Variants in PTPRD observed in about 807,000 individuals in gnomAD.
PTPRD encodes the protein protein tyrosine phosphatase receptor type D, also known as receptor-type tyrosine-protein phosphatase delta.
In PTPRD, 34 loss-of-function variants were observed where a neutral mutation model predicts 214.5. That is an observed-to-expected ratio of 0.16 (90% CI 0.12 to 0.21). The LOEUF is 0.21. Among genes scored for constraint, PTPRD ranks in the 10% least tolerant of loss-of-function variants. The pLI is 1.00. For missense variants in PTPRD, 2,545 were observed against 2,398.7 expected (o/e 1.06, Z -1.27); for synonymous variants, 1,128 against 845.7 (o/e 1.33, Z -5.79).
intron 36 of PTPRD, among the ~76,000 whole-genome samples, chr9:8,402,915 G>A (rs2130410704): frequency 6.6e-6 from 1 of 152,072 alleles, no homozygotes; most frequent in East Asian, 1.9e-4. Flanking sequence ...GTATCTGTGG[G>A]TGCCTAGAAA....
intron 12 of PTPRD, among the ~76,000 whole-genome samples, chr9:8,728,060 C>A (rs959660897): frequency 6.6e-5 from 10 of 151,676 alleles, no homozygotes; most frequent in Non-Finnish European, 1.2e-4. Context: ...CCAGCCTGAC[C>A]AATATGGAGA....
At chr9:9,499,289 CT>C (rs1371840220) in intron 8 of PTPRD, among the ~76,000 whole-genome samples, 1 of 152,028 alleles carries the variant, frequency 6.6e-6, no homozygotes, top group Non-Finnish European at 1.5e-5. Flanking sequence ...ATTGAAAAGA[CT>C]GCTAAAATAT....
At chr9:8,742,553 G>C (rs554811632) in intron 11 of PTPRD, among the ~76,000 whole-genome samples, 2 of 150,368 alleles carry the variant, frequency 1.3e-5, no homozygotes, top group African/African-American at 5.0e-5. Context: ...ATTTATTATT[G>C]TATCTATTTT....
At chr9:8,820,190 T>C (rs1250827859) in intron 11 of PTPRD, among the ~76,000 whole-genome samples, 2 of 152,156 alleles carry the variant, frequency 1.3e-5, no homozygotes, top group Non-Finnish European at 2.9e-5. Context: ...AGCTTTAATA[T>C]AACCACAAAT....
At chr9:10,361,993 T>G (rs1483241242) in intron 2 of PTPRD, among the ~76,000 whole-genome samples, 1 of 152,178 alleles carries the variant, frequency 6.6e-6, no homozygotes, top group Non-Finnish European at 1.5e-5. Flanking sequence ...GGTTAAGATG[T>G]CAGCATTTTC....
chr9:9,019,643 T>C (rs1420308523), intron 10 of PTPRD, among the ~76,000 whole-genome samples: 2 of 152,036 alleles, frequency 1.3e-5, no homozygotes, highest in Non-Finnish European at 2.9e-5. Flanking sequence ...GAGGCGGAGG[T>C]TGCGGTGAGC....
At chr9:9,754,081 T>A (rs2098546619) in intron 6 of PTPRD, among the ~76,000 whole-genome samples, 1 of 152,118 alleles carries the variant, frequency 6.6e-6, no homozygotes, top group Admixed American at 6.6e-5. Flanking sequence ...AGCAGAATGC[T>A]AGACATATTA....
At chr9:10,505,418 C>G (rs908896471) in intron 2 of PTPRD, among the ~76,000 whole-genome samples, 1 of 152,148 alleles carries the variant, frequency 6.6e-6, no homozygotes. Context: ...TTTAAGAATG[C>G]TGACTGCCAA....
At chr9:10,436,063 A>G (rs1374587525) in intron 2 of PTPRD, among the ~76,000 whole-genome samples, 2 of 151,854 alleles carry the variant, frequency 1.3e-5, no homozygotes, top group Non-Finnish European at 2.9e-5. Flanking sequence ...GAAGTTTGAA[A>G]AGTCATTTAG....
chr9:9,808,834 C>G (rs2046253120), intron 5 of PTPRD, among the ~76,000 whole-genome samples: 1 of 152,130 alleles, frequency 6.6e-6, no homozygotes, highest in South Asian at 2.1e-4. Context: ...CGCAGTGGCT[C>G]AATCATAGCT....
chr9:10,400,952 A>T (rs2098259649), intron 2 of PTPRD, among the ~76,000 whole-genome samples: 1 of 151,560 alleles, frequency 6.6e-6, no homozygotes, highest in South Asian at 2.1e-4. Flanking sequence ...ATATTCAAAG[A>T]CTATTCATTA....
intron 43 of PTPRD, among the ~76,000 whole-genome samples, chr9:8,332,901 A>ATTAT (rs1264783640): frequency 6.6e-6 from 1 of 152,154 alleles, no homozygotes; most frequent in Non-Finnish European, 1.5e-5. Context: ...CTGTTAACAC[A>ATTAT]TTATTTCCTC....
intron 4 of PTPRD, among the ~76,000 whole-genome samples, chr9:9,945,556 G>T (rs983779277): frequency 6.6e-6 from 1 of 152,132 alleles, no homozygotes; most frequent in African/African-American, 2.4e-5. Context: ...TGTGTCCAAG[G>T]TGGCAGTTAA....
At chr9:10,176,934 C>T (rs1435019587) in intron 3 of PTPRD, among the ~76,000 whole-genome samples, 1 of 151,962 alleles carries the variant, frequency 6.6e-6, no homozygotes, top group Non-Finnish European at 1.5e-5. Flanking sequence ...ACAGCAAGCA[C>T]AGCATATTTA....
chr9:10,007,205 C>G (rs900527820), intron 4 of PTPRD, among the ~76,000 whole-genome samples: 2 of 151,916 alleles, frequency 1.3e-5, no homozygotes, highest in African/African-American at 4.8e-5. Flanking sequence ...ACTATATAAA[C>G]CTTTAGTGCA....
At chr9:10,225,892 CAAGTA>C (rs2099587269) in intron 3 of PTPRD, among the ~76,000 whole-genome samples, 1 of 151,972 alleles carries the variant, frequency 6.6e-6, no homozygotes, top group Admixed American at 6.6e-5. Context: ...TGAGAGCAAA[CAAGTA>C]AAGAAATGGG....
At chr9:9,459,432 A>T (rs990386862) in intron 8 of PTPRD, among the ~76,000 whole-genome samples, 3 of 152,108 alleles carry the variant, frequency 2.0e-5, no homozygotes, top group African/African-American at 7.2e-5. Context: ...TTCTGACAAA[A>T]TGATCTTATA....
intron 12 of PTPRD, among the ~76,000 whole-genome samples, chr9:8,672,921 C>T (rs1017934456): frequency 2.0e-5 from 3 of 151,832 alleles, no homozygotes; most frequent in Admixed American, 1.3e-4. Context: ...TTCAATTCTG[C>T]CAATTAAAAA....
At chr9:9,756,705 A>C (rs2098586863) in intron 6 of PTPRD, among the ~76,000 whole-genome samples, 1 of 152,178 alleles carries the variant, frequency 6.6e-6, no homozygotes, top group Admixed American at 6.6e-5. Context: ...GTTCACTTTA[A>C]CATGGTTATT....
Sources: allele counts gnomAD v4.1 joint callset (sites outside exome capture counted in the v4.1 genomes callset), GRCh38; gene constraint gnomAD v4.1.1; transcripts MANE v1.5; gene names NCBI Gene and HGNC (gene_info 2026-07-23, HGNC 2026-07-21).